Variants in IL1RAPL1 observed in about 807,000 individuals in gnomAD.
IL1RAPL1 encodes interleukin-1 receptor accessory protein-like 1.
In IL1RAPL1, 3 loss-of-function variants were observed where a neutral mutation model predicts 48.4. The observed-to-expected ratio is 0.06, with a 90% CI of 0.03 to 0.16. The LOEUF (loss-of-function observed/expected upper bound fraction) is 0.16. Among genes scored for constraint, IL1RAPL1 ranks in the 10% least tolerant of loss-of-function variants. The pLI is 1.00. For missense variants in IL1RAPL1, 349 were observed against 530.6 expected (o/e 0.66, Z 3.36); for synonymous variants, 185 against 187.7 (o/e 0.99, Z 0.12).
At chrX:29,747,044 T>C (rs1395047666) in intron 6 of IL1RAPL1, among the ~76,000 whole-genome samples, 1 of 112,625 alleles carries the variant, frequency 8.9e-6, no homozygotes, top group Non-Finnish European at 1.9e-5. Context: ...CAATAAATAA[T>C]TGTTGAAATA....
chrX:29,031,538 A>G (rs991491698), intron 2 of IL1RAPL1, among the ~76,000 whole-genome samples: 1 of 112,191 alleles, frequency 8.9e-6, no homozygotes. Flanking sequence ...GATTTTTATG[A>G]AACCACTTAT....
chrX:28,828,214 A>C (rs903969746), intron 2 of IL1RAPL1, among the ~76,000 whole-genome samples: 2 of 111,941 alleles, frequency 1.8e-5, no homozygotes, highest in Non-Finnish European at 3.8e-5. Context: ...TTTTCATGAA[A>C]TCGTTATATG....
At chrX:29,315,281 G>A (rs1932765005) in intron 3 of IL1RAPL1, among the ~76,000 whole-genome samples, 1 of 111,698 alleles carries the variant, frequency 9.0e-6, no homozygotes, top group Admixed American at 9.5e-5. Flanking sequence ...AAGAATATTC[G>A]GTGTTTATAA....
At chrX:29,152,334 T>C (rs1334593622) in intron 2 of IL1RAPL1, among the ~76,000 whole-genome samples, 1 of 111,628 alleles carries the variant, frequency 9.0e-6, no homozygotes. Flanking sequence ...TATCAACATC[T>C]TTGCTGGAGA....
At chrX:29,135,611 T>A (rs1264434064) in intron 2 of IL1RAPL1, among the ~76,000 whole-genome samples, 1 of 112,484 alleles carries the variant, frequency 8.9e-6, no homozygotes, top group East Asian at 2.8e-4. Flanking sequence ...CTGTAAGCAC[T>A]ATGTTAGCCT....
chrX:29,122,407 T>TCACA (rs1457241280), intron 2 of IL1RAPL1, among the ~76,000 whole-genome samples: 13 of 76,256 alleles, frequency 1.7e-4, no homozygotes, highest in African/African-American at 8.1e-4. Flanking sequence ...TCTCTCTCTC[T>TCACA]CTCACACACA....
chrX:29,439,234 G>T (rs979840889), intron 5 of IL1RAPL1, among the ~76,000 whole-genome samples: 1 of 111,279 alleles, frequency 9.0e-6, no homozygotes, highest in Non-Finnish European at 1.9e-5. Context: ...TGGATTCTAG[G>T]TTTTGGGTTA....
intron 6 of IL1RAPL1, among the ~76,000 whole-genome samples, chrX:29,803,691 G>T (rs1208822717): frequency 9.4e-6 from 1 of 106,654 alleles, no homozygotes; most frequent in East Asian, 3.0e-4. Context: ...CATGAATTGT[G>T]TGTTTTTATT....
At chrX:29,890,985 G>C (rs761690048) in intron 6 of IL1RAPL1, among the ~76,000 whole-genome samples, 1 of 112,144 alleles carries the variant, frequency 8.9e-6, no homozygotes, top group African/African-American at 3.2e-5. Context: ...AGGAAAGTTT[G>C]TGAAATAGAT....
chrX:29,304,123 C>T (rs1466386793), intron 3 of IL1RAPL1, among the ~76,000 whole-genome samples: 1 of 111,164 alleles, frequency 9.0e-6, no homozygotes, highest in East Asian at 2.8e-4. Flanking sequence ...CCTGCCCGTC[C>T]CCTCCAGTAT....
chrX:29,062,349 G>A (rs1212849125), intron 2 of IL1RAPL1, among the ~76,000 whole-genome samples: 1 of 112,412 alleles, frequency 8.9e-6, no homozygotes. Context: ...AGAATTTAAT[G>A]TTATTTGCCC....
At chrX:28,860,626 T>G (rs1309409512) in intron 2 of IL1RAPL1, among the ~76,000 whole-genome samples, 4 of 109,168 alleles carry the variant, frequency 3.7e-5, no homozygotes, top group African/African-American at 1.0e-4. Context: ...CCCGGCTAAT[T>G]TTTTGTATTT....
At chrX:29,108,768 C>T (rs778302844) in intron 2 of IL1RAPL1, among the ~76,000 whole-genome samples, 84 of 111,045 alleles carry the variant, frequency 7.6e-4, no homozygotes, top group Non-Finnish European at 1.4e-3. Flanking sequence ...ACATACAATT[C>T]GGCTTGATAT....
At chrX:28,970,820 A>G (rs985757449) in intron 2 of IL1RAPL1, among the ~76,000 whole-genome samples, 3 of 111,717 alleles carry the variant, frequency 2.7e-5, no homozygotes, top group African/African-American at 9.7e-5. Context: ...AATAAAACAG[A>G]AAGAAAACCC....
At chrX:28,910,792 G>T (rs1426981949) in intron 2 of IL1RAPL1, among the ~76,000 whole-genome samples, 2 of 108,564 alleles carry the variant, frequency 1.8e-5, no homozygotes, top group East Asian at 5.7e-4. Context: ...AAACACGTGA[G>T]GTCTTTTTTT....
intron 5 of IL1RAPL1, among the ~76,000 whole-genome samples, chrX:29,592,105 TAAC>T (rs1258522524): frequency 8.9e-6 from 1 of 111,954 alleles, no homozygotes; most frequent in Non-Finnish European, 1.9e-5. Context: ...AGTTTTAACT[TAAC>T]AAAGAACATG....
chrX:29,487,577 A>G (rs771444883), intron 5 of IL1RAPL1, among the ~76,000 whole-genome samples: 14 of 112,333 alleles, frequency 1.2e-4, no homozygotes. Flanking sequence ...CAACCGTAAT[A>G]GTCCTGTGCT....
intron 1 of IL1RAPL1, among the ~76,000 whole-genome samples, chrX:28,775,518 G>A (rs1936354437): frequency 8.9e-6 from 1 of 111,749 alleles, no homozygotes; most frequent in South Asian, 3.7e-4. Flanking sequence ...TTTATCTGCA[G>A]AGCCACTCTT....
In IL1RAPL1 at chrX:29,245,876, C is replaced by T. The variant is rs574946418; in HGVS notation, c.83-37062C>T. The stretch of plus-strand genomic sequence containing the variant: ...ATGCCTATGTCCTGAATGGTATTGC[C>T]TAGGTTAGGGAACTTTCATCTTTAC... On this transcript the variant is annotated intron_variant, in intron 2 of 10. Coordinates refer to ENST00000378993, the MANE Select transcript of IL1RAPL1 (RefSeq NM_014271.4). 2.7e-5 allele frequency among the ~76,000 whole-genome samples: 3 copies of T among 111,342 alleles called. No homozygotes were observed. In the East Asian group the frequency reaches 8.5e-4, roughly 32 times the overall value.
Sources: allele counts gnomAD v4.1 joint callset (sites outside exome capture counted in the v4.1 genomes callset), GRCh38; gene constraint gnomAD v4.1.1; transcripts MANE v1.5; gene names NCBI Gene and HGNC (gene_info 2026-07-23, HGNC 2026-07-21).